Variants in ABCB5 observed in about 807,000 individuals in gnomAD.
ABCB5 encodes ATP binding cassette subfamily B member 5, also known as ATP-binding cassette sub-family B member 5.
In ABCB5, 155 loss-of-function variants were observed where a neutral mutation model predicts 144.2. The observed-to-expected ratio is 1.08, with a 90% CI of 0.94 to 1.23. The LOEUF is 1.23. Ranked by LOEUF, ABCB5 falls within the 50% of genes most tolerant of loss-of-function variation. ABCB5 has a pLI of 0.00. For missense variants in ABCB5, 1,830 were observed against 1,520.8 expected (o/e 1.20, Z -3.38); for synonymous variants, 610 against 528.6 (o/e 1.15, Z -2.11).
intron 26 of ABCB5, among the ~76,000 whole-genome samples, chr7:20,747,389 G>C (rs1583468028): frequency 1.3e-5 from 2 of 152,262 alleles, no homozygotes; most frequent in African/African-American, 4.8e-5. Context: ...TCCCGAATAG[G>C]TGGGATCACA....
chr7:20,682,869 C>T (rs573337300), intron 15 of ABCB5, among the ~76,000 whole-genome samples: 14 of 152,234 alleles, frequency 9.2e-5, no homozygotes, highest in African/African-American at 3.1e-4. Context: ...TCCATACTTG[C>T]GTGTGTCATG....
rs763281218 is a variant in ABCB5, at chr7:20,643,349, C to T, written c.480C>T (p.Ile160=). The change falls in exon 6 of 28, where the codon ATC becomes ATT. Residue 160 remains isoleucine, a synonymous_variant. Transcript: ENST00000404938. ...QDIGWFDSCD[I]GELNTRMTDD... is the part of the protein sequence containing the mutation. ...TCGGCTGGTTTGATAGCTGTGACAT[C>T]GGTGAACTTAACACTCGCATGACAG... The T allele has an allele frequency of 2.5e-6, 4 of 1,613,934 alleles. No homozygotes were observed. Among genetic ancestry groups the T allele is most frequent in the Non-Finnish European group, 8.5e-7 (1 of 1,179,884 alleles).
chr7:20,736,032 T>A (rs1782368909), intron 23 of ABCB5, among the ~76,000 whole-genome samples: 1 of 152,202 alleles, frequency 6.6e-6, no homozygotes, highest in South Asian at 2.1e-4. Flanking sequence ...GTCTCTGGGT[T>A]GTATATGGAT....
chr7:20,629,620 G>A (rs757504111), intron 4 of ABCB5, among the ~76,000 whole-genome samples: 1 of 152,082 alleles, frequency 6.6e-6, no homozygotes, highest in Non-Finnish European at 1.5e-5. Context: ...AAATTAGCCA[G>A]CCATGGTAGC....
At chr7:20,635,905 G>C (rs1784146279) in intron 5 of ABCB5, among the ~76,000 whole-genome samples, 1 of 152,050 alleles carries the variant, frequency 6.6e-6, no homozygotes, top group African/African-American at 2.4e-5. Flanking sequence ...TCTGTTGCTT[G>C]ATTGCTCTGA....
At chr7:20,637,552 C>G (rs118012379) in intron 5 of ABCB5, among the ~76,000 whole-genome samples, 1 of 151,816 alleles carries the variant, frequency 6.6e-6, no homozygotes, top group African/African-American at 2.4e-5. Flanking sequence ...TCGTGAGTAG[C>G]TGGGAATACA....
At chr7:20,720,706 G>T (rs1320859089) in intron 20 of ABCB5, among the ~76,000 whole-genome samples, 1 of 152,128 alleles carries the variant, frequency 6.6e-6, no homozygotes, top group African/African-American at 2.4e-5. Context: ...AGCAGTTTGG[G>T]AGGCCGAGAC....
At chr7:20,675,058 T>C (rs1785560210) in intron 14 of ABCB5, among the ~76,000 whole-genome samples, 1 of 151,986 alleles carries the variant, frequency 6.6e-6, no homozygotes, top group Non-Finnish European at 1.5e-5. Context: ...TATTGTTAAA[T>C]GTCAATACTA....
intron 1 of ABCB5, among the ~76,000 whole-genome samples, chr7:20,621,095 G>C (rs1473477844): frequency 1.3e-5 from 2 of 152,062 alleles, no homozygotes; most frequent in Non-Finnish European, 2.9e-5. Flanking sequence ...ATACATTGAT[G>C]AACCTTGAAA....
intron 5 of ABCB5, among the ~76,000 whole-genome samples, chr7:20,642,890 A>C (rs7783959): frequency 0.26 from 39,683 of 151,994 alleles, 5,744 homozygotes; most frequent in African/African-American, 0.39. Context: ...ACCTTGATTG[A>C]CTCAATGGAA....
chr7:20,645,310 C>T (rs1454078862), intron 7 of ABCB5, among the ~76,000 whole-genome samples: 1 of 152,224 alleles, frequency 6.6e-6, no homozygotes, highest in African/African-American at 2.4e-5. Flanking sequence ...GCTTCTGCTA[C>T]TCTCTCACTT....
chr7:20,652,430 T>C (rs184251432), intron 13 of ABCB5, among the ~76,000 whole-genome samples: 206 of 152,122 alleles, frequency 1.4e-3, no homozygotes, highest in African/African-American at 4.7e-3. Context: ...ATTAGCTGGG[T>C]GTGGTGGCGC....
chr7:20,663,836 C>T (rs1449274735), intron 14 of ABCB5, among the ~76,000 whole-genome samples: 1 of 151,650 alleles, frequency 6.6e-6, no homozygotes, highest in Non-Finnish European at 1.5e-5. Context: ...CTGCCTCACC[C>T]TCCAGAGTAG....
intron 20 of ABCB5, among the ~76,000 whole-genome samples, chr7:20,712,922 A>G (rs1246255737): frequency 6.7e-6 from 1 of 149,478 alleles, no homozygotes; most frequent in East Asian, 2.0e-4. Context: ...CTTCAAATCT[A>G]TTTTCTTGGT....
At chr7:20,672,080 T>A (rs1785470246) in intron 14 of ABCB5, among the ~76,000 whole-genome samples, 1 of 152,222 alleles carries the variant, frequency 6.6e-6, no homozygotes, top group South Asian at 2.1e-4. Flanking sequence ...AGCATTTTTA[T>A]GTGCATATTA....
chr7:20,668,247 G>A (rs1198318520), intron 14 of ABCB5, among the ~76,000 whole-genome samples: 1 of 148,498 alleles, frequency 6.7e-6, no homozygotes. Flanking sequence ...GAGCGTCTCT[G>A]CCCGGCCGCC....
chr7:20,649,920 G>A (rs1156288592), intron 11 of ABCB5, 102 bp from the exon 12 acceptor site: 2 of 1,323,894 alleles, frequency 1.5e-6, no homozygotes, highest in Non-Finnish European at 2.0e-6. Flanking sequence ...TTTGTTTTTA[G>A]AAGAATTTGT....
intron 21 of ABCB5, among the ~76,000 whole-genome samples, chr7:20,726,514 G>A (rs1482394572): frequency 6.6e-6 from 1 of 151,888 alleles, no homozygotes; most frequent in Non-Finnish European, 1.5e-5. Flanking sequence ...TTACAGACAT[G>A]TGCCACCATA....
intron 3 of ABCB5, among the ~76,000 whole-genome samples, chr7:20,626,858 T>TGC (rs753276289): frequency 1.1e-3 from 105 of 94,372 alleles, no homozygotes; most frequent in African/African-American, 3.3e-3. Flanking sequence ...TTTTGGGGTG[T>TGC]GTGTGTGTGT....
Sources: gnomAD v4.1 joint callset for allele counts (sites outside exome capture counted in the v4.1 genomes callset) on GRCh38, gnomAD v4.1.1 for gene constraint, MANE v1.5 for transcripts, NCBI Gene and HGNC (gene_info 2026-07-23, HGNC 2026-07-21) for gene names.